Variants in PPP2R5D observed in about 807,000 individuals in gnomAD.
PPP2R5D encodes the protein protein phosphatase 2 regulatory subunit B'delta, also known as serine/threonine-protein phosphatase 2A 56 kDa regulatory subunit delta isoform.
In PPP2R5D, 12 loss-of-function variants were observed where a neutral mutation model predicts 79.1. The ratio of observed to expected loss-of-function variants is 0.15; its 90% CI spans 0.10 to 0.25. The LOEUF (loss-of-function observed/expected upper bound fraction) is 0.25. Among genes scored for constraint, PPP2R5D ranks in the 10% least tolerant of loss-of-function variants. PPP2R5D has a pLI of 1.00. For synonymous variants in PPP2R5D, 277 were observed against 286.6 expected, an observed-to-expected ratio of 0.97 and a Z score of 0.34; for missense variants, 419 against 760.2, an observed-to-expected ratio of 0.55 and a Z score of 5.28.
rs1289883580 is a variant in PPP2R5D, at chr6:43,010,043, T to C, written c.1380-425T>C. Among the ~76,000 whole-genome samples, 5 of 151,918 alleles carry C rather than the reference T, an allele frequency of 3.3e-5. No homozygotes were observed. Among genetic ancestry groups the C allele is most frequent in the African/African-American group, 7.3e-5 (3 of 41,284 alleles). ...GAGATCGTGCCACTGCACTCCAGCCTGGGCAACAGAGTGAGACTCCGTCTT... is the reference window on the plus strand; with the variant it reads ...GAGATCGTGCCACTGCACTCCAGCCCGGGCAACAGAGTGAGACTCCGTCTT... On this transcript the variant is annotated intron_variant, in intron 12 of 15. Coordinates refer to ENST00000485511, the MANE Select transcript of PPP2R5D (RefSeq NM_006245.4). This position sits in a 1 kb window ranked among gnomAD's most constrained non-coding sequence, Gnocchi z 4.7.
Position 43,009,481 on chromosome 6 carries a change from G to C in PPP2R5D, c.1379+32G>C, listed in dbSNP as rs1327198890. The C allele has an allele frequency of 1.2e-6, 2 of 1,613,368 alleles. No individual in the cohort carries two copies. Among genetic ancestry groups the C allele is most frequent in the African/African-American group, 2.7e-5 (2 of 74,890 alleles). ...CGCTGGGGTGGGGCTGGGTGGTGGG[G>C]ATCCAGTTTGGGAAACTTTGAGGGT... On this transcript the variant is annotated intron_variant, in intron 12 of 15. Coordinates refer to ENST00000485511, the MANE Select transcript of PPP2R5D (RefSeq NM_006245.4). The surrounding 1 kb of genome is among the most constrained non-coding windows in gnomAD (Gnocchi z 5.6).
intron 2 of PPP2R5D, among the ~76,000 whole-genome samples, chr6:42,994,833 A>AC (rs1419708124): frequency 6.6e-6 from 1 of 151,900 alleles, no homozygotes; most frequent in Non-Finnish European, 1.5e-5. Context: ...AAAAAAAAAA[A>AC]AATTAATGTC....
intron 2 of PPP2R5D, among the ~76,000 whole-genome samples, chr6:42,993,628 CTTTGGCAT>C (rs1242840201): frequency 6.6e-6 from 1 of 152,214 alleles, no homozygotes; most frequent in Non-Finnish European, 1.5e-5. Context: ...TTTTGACAAT[CTTTGGCAT>C]TCCTTGTAGA....
intron 2 of PPP2R5D, among the ~76,000 whole-genome samples, chr6:43,004,164 A>G (rs148628546): frequency 0.018 from 2,814 of 152,236 alleles, 41 homozygotes; most frequent in Middle Eastern, 0.048. Flanking sequence ...CTGGGACTAC[A>G]GGCACCCACC....
chr6:42,987,318 G>T (rs2150248625), intron 1 of PPP2R5D, among the ~76,000 whole-genome samples: 1 of 152,242 alleles, frequency 6.6e-6, no homozygotes, highest in Admixed American at 6.5e-5. Flanking sequence ...CTCTTGGAGG[G>T]ATTCGCATCT....
In PPP2R5D at chr6:43,008,061, T is replaced by C. The variant is rs1178737190; in HGVS notation, c.853T>C (p.Tyr285His). The change falls in exon 7 of 16, where the codon TAC (tyrosine) becomes CAC (histidine). Residue 285 changes from tyrosine to histidine, a missense_variant. Tyr to His is a moderately conservative substitution (Grantham distance 83). Around this residue, in one of 5 missense-constraint regions of PPP2R5D, gnomAD observed 196 missense variants for 424.5 expected, o/e 0.46. Coordinates refer to ENST00000485511, the MANE Select transcript of PPP2R5D (RefSeq NM_006245.4). This position sits in a 1 kb window ranked among gnomAD's most constrained non-coding sequence, Gnocchi z 4.2. ...CCGTAGGCAGATCAACCACATCTTC[T>C]ACAGGTGAGGCCAGGAGCCCAGGCT... ...YIRRQINHIF[Y>H]RFIYETEHHN... is the part of the protein sequence containing the mutation. 2 of 1,614,196 alleles carry C rather than the reference T, an allele frequency of 1.2e-6. No individual in the cohort carries two copies. The highest frequency in any genetic ancestry group is 1.7e-6 in the Non-Finnish European group (2 of 1,180,044).
In PPP2R5D at chr6:43,007,134, G is replaced by A. The variant is rs551819761; in HGVS notation, c.522+24G>A. ...TGGTGGGCACAGGGAAAGGACACAG[G>A]GGGGACTGGTGAGGGGCTCTGGAGA... On this transcript the variant is annotated intron_variant, in intron 4 of 15. Transcript: ENST00000485511. This position sits in a 1 kb window ranked among gnomAD's most constrained non-coding sequence, Gnocchi z 4.5. 1.2e-5 allele frequency: 20 copies of A among 1,613,222 alleles called. No individual in the cohort carries two copies. The highest frequency in any genetic ancestry group is 1.2e-4 in the South Asian group (11 of 91,048).
chr6:42,996,622 A>AT (rs931259510), intron 2 of PPP2R5D, among the ~76,000 whole-genome samples: 10 of 152,256 alleles, frequency 6.6e-5, no homozygotes, highest in Admixed American at 2.6e-4. Context: ...AGTTAGCTGC[A>AT]TTTGTGTCTG....
intron 1 of PPP2R5D, among the ~76,000 whole-genome samples, chr6:42,988,764 G>A (rs892872715): frequency 6.6e-6 from 1 of 152,228 alleles, no homozygotes; most frequent in African/African-American, 2.4e-5. Context: ...GTCTGCACAG[G>A]TCTTTTAACA....
intron 2 of PPP2R5D, among the ~76,000 whole-genome samples, chr6:42,992,337 A>T (rs57933466): frequency 6.6e-6 from 1 of 151,938 alleles, no homozygotes; most frequent in East Asian, 1.9e-4. Flanking sequence ...GGGATTACAG[A>T]TGTGAGCCAC....
At position 43,009,500 on chromosome 6, in the gene PPP2R5D, T is replaced by C. The variant is rs1419456274; in HGVS notation, c.1379+51T>C. On this transcript the variant is annotated intron_variant, in intron 12 of 15. Coordinates refer to ENST00000485511, the MANE Select transcript of PPP2R5D (RefSeq NM_006245.4). The surrounding 1 kb of genome is among the most constrained non-coding windows in gnomAD (Gnocchi z 5.6). ...GGTGGGGATCCAGTTTGGGAAACTT[T>C]GAGGGTATGGAAGAACTAAAGAGCC... 3.7e-6 allele frequency: 6 copies of C among 1,611,688 alleles called. No homozygotes were observed. The highest frequency in any genetic ancestry group is 1.1e-5 in the South Asian group (1 of 90,988).
chr6:43,010,658 C>T lies in PPP2R5D; in HGVS notation c.1482-6C>T, dbSNP rs559219719. ...GCCCAACCCCAATCCTACTTTTGCT[C>T]CTCAGGGGCCGGTTCCGAATGAAGG... On this transcript the variant is annotated splice_polypyrimidine_tract_variant and splice_region_variant and intron_variant, in intron 13 of 15. Transcript: ENST00000485511. This position sits in a 1 kb window ranked among gnomAD's most constrained non-coding sequence, Gnocchi z 4.7. The T allele has an allele frequency of 3.7e-6, 6 of 1,614,008 alleles. No individual in the cohort carries two copies. The South Asian group carries it at 5.5e-5, about 15-fold the overall frequency.
At chr6:42,988,590 A>C (rs1001870207) in intron 1 of PPP2R5D, among the ~76,000 whole-genome samples, 8 of 152,184 alleles carry the variant, frequency 5.3e-5, no homozygotes, top group Non-Finnish European at 8.8e-5. Flanking sequence ...ATTGTTAACT[A>C]TCCCAGTTCC....
Position 43,011,438 on chromosome 6 carries a change from C to T in PPP2R5D, c.*152C>T. ...GGGATGTGGGCACTTGAAGCAGGGA[C>T]ACCCACAGAATGGTCCCTCTTCTCC... On this transcript the variant is annotated 3_prime_UTR_variant, in exon 16 of 16. Coordinates refer to ENST00000485511, the MANE Select transcript of PPP2R5D (RefSeq NM_006245.4). 9.4e-7 allele frequency: 1 copy of T among 1,059,596 alleles called. No homozygotes were observed. The highest frequency in any genetic ancestry group is 1.3e-6 in the Non-Finnish European group (1 of 745,302). 65.6% of individuals were successfully genotyped at this position (1,059,596 alleles called of 1,614,324 possible).
At chr6:42,984,727 C>G in intron 1 of PPP2R5D, 23 bp downstream of exon 1, 1 of 1,611,772 alleles carries the variant, frequency 6.2e-7, no homozygotes, top group Non-Finnish European at 8.5e-7. Context: ...CTTTTTCCCC[C>G]ACCGCCGCCT....
In PPP2R5D at chr6:43,006,827, G is replaced by C. The variant is rs1762110977; in HGVS notation, c.323-84G>C. The C allele has an allele frequency of 3.2e-6, 5 of 1,580,498 alleles. No homozygotes were observed. The African/African-American group carries it at 5.4e-5, about 17-fold the overall frequency. ...CCAGGGAGCAGGATGGTGGCAGGGT[G>C]GGGTAAGGGAAAGCCCTTGAAGGCA... On this transcript the variant is annotated intron_variant, in intron 3 of 15. Coordinates refer to ENST00000485511, the MANE Select transcript of PPP2R5D (RefSeq NM_006245.4). The surrounding 1 kb of genome is among the most constrained non-coding windows in gnomAD (Gnocchi z 4.7).
intron 1 of PPP2R5D, among the ~76,000 whole-genome samples, chr6:42,986,588 C>T (rs1770868967): frequency 1.3e-5 from 2 of 151,954 alleles, no homozygotes; most frequent in Non-Finnish European, 2.9e-5. Context: ...CCCACCCAGG[C>T]CCTGTCCTTG....
chr6:42,985,022 TC>T (rs540427640), intron 1 of PPP2R5D, among the ~76,000 whole-genome samples: 4 of 149,880 alleles, frequency 2.7e-5, no homozygotes, highest in Non-Finnish European at 5.9e-5. Flanking sequence ...GCTTTTTCTG[TC>T]CCCCCCATCA....
At chr6:42,994,055 C>T (rs184629986) in intron 2 of PPP2R5D, among the ~76,000 whole-genome samples, 16 of 152,308 alleles carry the variant, frequency 1.1e-4, no homozygotes, top group Non-Finnish European at 2.1e-4. Flanking sequence ...GCCTGTAATC[C>T]CAGCACTTTG....
Sources: gnomAD v4.1 joint callset for allele counts (sites outside exome capture counted in the v4.1 genomes callset) on GRCh38, gnomAD v4.1.1 for gene constraint, gnomAD v4.1.1 regional missense constraint, Gnocchi (gnomAD v3.1) non-coding constraint, MANE v1.5 for transcripts, NCBI Gene and HGNC (gene_info 2026-07-23, HGNC 2026-07-21) for gene names.